The following RBFOX1 variants were observed in gnomAD, a reference collection of about 807,000 sequenced individuals.
RBFOX1 encodes RNA binding protein fox-1 homolog 1.
Under a neutral mutation model 57.7 loss-of-function variants are expected in RBFOX1, and 8 were observed. The ratio of observed to expected loss-of-function variants is 0.14; its 90% CI spans 0.08 to 0.25. The LOEUF (loss-of-function observed/expected upper bound fraction) is 0.25. RBFOX1 is among the 10% of genes least tolerant of loss of function. The pLI is 1.00. For synonymous variants in RBFOX1, 326 were observed against 222.4 expected (o/e 1.47, Z -4.15); for missense variants, 611 against 548.5 (o/e 1.11, Z -1.14).
chr16:6,406,028 G>T (rs1384883643), intron 2 of RBFOX1, among the ~76,000 whole-genome samples: 1 of 152,204 alleles, frequency 6.6e-6, no homozygotes, highest in African/African-American at 2.4e-5. Context: ...CTCAGAACTT[G>T]TCTCCTCTCA....
intron 2 of RBFOX1, among the ~76,000 whole-genome samples, chr16:5,530,103 G>A (rs71390669): frequency 6.6e-6 from 1 of 151,896 alleles, no homozygotes; most frequent in East Asian, 1.9e-4. Context: ...AGCCACTCAG[G>A]CTATGGCACT....
At chr16:7,058,324 CT>C in intron 4 of RBFOX1, among the ~76,000 whole-genome samples, 1 of 152,208 alleles carries the variant, frequency 6.6e-6, no homozygotes, top group Middle Eastern at 3.4e-3. Context: ...TCTAAGCTTT[CT>C]TTTTTAAGGG....
intron 2 of RBFOX1, among the ~76,000 whole-genome samples, chr16:6,421,006 A>C (rs554349506): frequency 1.9e-4 from 29 of 152,286 alleles, no homozygotes; most frequent in African/African-American, 7.0e-4. Context: ...TCCCATCTTT[A>C]TATTGTGATG....
chr16:5,888,219 G>A (rs955906988), intron 4 of RBFOX1, among the ~76,000 whole-genome samples: 14 of 152,138 alleles, frequency 9.2e-5, no homozygotes, highest in African/African-American at 3.4e-4. Flanking sequence ...GCCGGGAATG[G>A]TCCCTAATTG....
chr16:6,868,344 T>C (rs567457229), intron 3 of RBFOX1, among the ~76,000 whole-genome samples: 2 of 152,280 alleles, frequency 1.3e-5, no homozygotes, highest in East Asian at 3.9e-4. Flanking sequence ...TCATCTATGA[T>C]AAGTGTCTAT....
At chr16:5,403,153 C>T (rs531380799) in intron 1 of RBFOX1, among the ~76,000 whole-genome samples, 1 of 152,088 alleles carries the variant, frequency 6.6e-6, no homozygotes, top group South Asian at 2.1e-4. Flanking sequence ...GAGTTCCAGA[C>T]CAGCCTGACC....
chr16:5,519,922 T>C (rs962207603), intron 2 of RBFOX1, among the ~76,000 whole-genome samples: 1 of 152,236 alleles, frequency 6.6e-6, no homozygotes. Context: ...TTTACTGTGA[T>C]GAATAAGTGC....
chr16:5,756,077 C>T (rs2053383006), intron 3 of RBFOX1, among the ~76,000 whole-genome samples: 1 of 151,984 alleles, frequency 6.6e-6, no homozygotes, highest in Non-Finnish European at 1.5e-5. Context: ...CCTGTCTCTC[C>T]CAGTGCCTTC....
chr16:5,728,546 C>G (rs771659283), intron 3 of RBFOX1, among the ~76,000 whole-genome samples: 34 of 152,152 alleles, frequency 2.2e-4, no homozygotes, highest in Admixed American at 6.5e-4. Flanking sequence ...GGTAAGGTCC[C>G]TGTGTTAAGA....
At chr16:5,771,972 G>C (rs1468894443) in intron 3 of RBFOX1, among the ~76,000 whole-genome samples, 1 of 152,140 alleles carries the variant, frequency 6.6e-6, no homozygotes, top group South Asian at 2.1e-4. Context: ...AGGATTTTGA[G>C]ACCAGCCTGA....
chr16:5,875,609 GGT>G (rs1567657831), intron 4 of RBFOX1, among the ~76,000 whole-genome samples: 1 of 152,080 alleles, frequency 6.6e-6, no homozygotes, highest in Non-Finnish European at 1.5e-5. Flanking sequence ...TAGTGTGCTT[GGT>G]GACTCATTCT....
chr16:5,410,333 C>T (rs533653134), intron 1 of RBFOX1, among the ~76,000 whole-genome samples: 2 of 150,996 alleles, frequency 1.3e-5, no homozygotes, highest in East Asian at 2.0e-4. Flanking sequence ...GATTGGGCCA[C>T]TGCACTCTAG....
chr16:7,084,463 TAGAG>T (rs1200517867), intron 4 of RBFOX1, among the ~76,000 whole-genome samples: 1 of 152,170 alleles, frequency 6.6e-6, no homozygotes, highest in Admixed American at 6.5e-5. Flanking sequence ...ATGTCTTACT[TAGAG>T]AGATCCATTC....
chr16:5,856,848 C>T (rs960893927), intron 3 of RBFOX1, among the ~76,000 whole-genome samples: 2 of 151,682 alleles, frequency 1.3e-5, no homozygotes, highest in African/African-American at 2.4e-5. Context: ...ATCTTCTATC[C>T]AGACCACTGA....
chr16:5,261,512 A>T (rs1379654019), intron 1 of RBFOX1, among the ~76,000 whole-genome samples: 1 of 149,774 alleles, frequency 6.7e-6, no homozygotes, highest in Non-Finnish European at 1.5e-5. Flanking sequence ...CTTAGAAATT[A>T]TAGGCACCCA....
chr16:6,935,036 A>G (rs929230998), intron 3 of RBFOX1, among the ~76,000 whole-genome samples: 2 of 152,026 alleles, frequency 1.3e-5, no homozygotes, highest in Non-Finnish European at 2.9e-5. Context: ...TGTTGCAGTG[A>G]GACAAGATCG....
chr16:7,660,287 G>C lies in RBFOX1; in HGVS notation c.891-4642G>C, dbSNP rs1047884611. ...TCCTTGCAAAAGCACATTGAGTCCC[G>C]ATGTGATTGACAAACAATACAAGTA... On this transcript the variant is annotated intron_variant, in intron 12 of 15. Coordinates refer to ENST00000550418, the MANE Select transcript of RBFOX1 (RefSeq NM_018723.4). Among the ~76,000 whole-genome samples the C allele has an allele frequency of 2.6e-5, 4 of 152,228 alleles. No homozygotes were observed. In the South Asian group the frequency reaches 6.2e-4, roughly 24 times the overall value.
At position 6,729,200 on chromosome 16, in the gene RBFOX1, A is replaced by T. The variant is rs1265331258; in HGVS notation, c.-16+74550A>T. On this transcript the variant is annotated intron_variant, in intron 3 of 15. Transcript: ENST00000550418. ...TTTCCAAAATAGACTTACCTGGGAG[A>T]TATATATGATTATATGTATATAATT... 2.0e-5 allele frequency among the ~76,000 whole-genome samples: 3 copies of T among 151,860 alleles called. No homozygotes were observed. In the East Asian group the frequency reaches 5.8e-4, roughly 29 times the overall value.
chr16:5,928,692 C>T (rs1386696300), intron 4 of RBFOX1, among the ~76,000 whole-genome samples: 1 of 147,228 alleles, frequency 6.8e-6, no homozygotes, highest in Non-Finnish European at 1.5e-5. Context: ...CTCTGTGCTT[C>T]TGCCCAATAA....
Sources: gnomAD v4.1 joint callset for allele counts (sites outside exome capture counted in the v4.1 genomes callset) on GRCh38, gnomAD v4.1.1 for gene constraint, MANE v1.5 for transcripts, NCBI Gene and HGNC (gene_info 2026-07-23, HGNC 2026-07-21) for gene names.